The following PLEKHG4B variants were observed in gnomAD, a reference collection of about 807,000 sequenced individuals.
PLEKHG4B encodes the protein pleckstrin homology and RhoGEF domain containing G4B, also known as pleckstrin homology domain-containing family G member 4B.
Under a neutral mutation model 121.3 loss-of-function variants are expected in PLEKHG4B, and 111 were observed. The ratio of observed to expected loss-of-function variants is 0.92; its 90% CI spans 0.78 to 1.07. The LOEUF (loss-of-function observed/expected upper bound fraction) is 1.07, where lower values mean the gene tolerates loss of function less well. Ranked by LOEUF, PLEKHG4B falls within the 50% of genes least tolerant of loss-of-function variation. The pLI, the probability that PLEKHG4B is intolerant of heterozygous loss-of-function variation, is 0.00. For synonymous variants in PLEKHG4B, 738 were observed against 725.0 expected (o/e 1.02, Z -0.29); for missense variants, 1,831 against 1,757.8 (o/e 1.04, Z -0.74).
At chr5:148,227 G>A (rs1209225565) in intron 6 of PLEKHG4B, among the ~76,000 whole-genome samples, 1 of 151,142 alleles carries the variant, frequency 6.6e-6, no homozygotes, top group Admixed American at 6.6e-5. Context: ...TAGAGCAATT[G>A]GACAAGAAAA....
At chr5:95,949 G>A (rs62344088) in intron 1 of PLEKHG4B, among the ~76,000 whole-genome samples, 10,590 of 152,264 alleles carry the variant, frequency 0.07, 665 homozygotes, top group African/African-American at 0.17. Context: ...GGTATAGTTT[G>A]GTGGAAACTT....
intron 2 of PLEKHG4B, among the ~76,000 whole-genome samples, chr5:121,786 G>C (rs1734477444): frequency 2.0e-5 from 3 of 151,886 alleles, no homozygotes; most frequent in Non-Finnish European, 2.9e-5. Context: ...AAACATGAAG[G>C]CAAAATAATG....
In PLEKHG4B at chr5:156,992, CTG is replaced by C; in HGVS notation, c.2487+85_2487+86del. ...CCAAGGCAACCCTCTCACCTTCACA[CTG>C]TGTCTTTAGGGCCTTGATCTGATTT... is the stretch of plus-strand genomic sequence containing the variant. On this transcript the variant is annotated intron_variant, in intron 11 of 19. Coordinates refer to ENST00000637938, the MANE Select transcript of PLEKHG4B (RefSeq NM_052909.5). The surrounding 1 kb of genome is among the most constrained non-coding windows in gnomAD (Gnocchi z 4.4). 1 of 1,541,260 alleles carries C rather than the reference CTG, an allele frequency of 6.5e-7. No individual in the cohort carries two copies. Among genetic ancestry groups the C allele is most frequent in the Non-Finnish European group, 8.8e-7 (1 of 1,131,260 alleles).
Position 137,926 on chromosome 5 carries a change from C to T in PLEKHG4B, c.244-1557C>T, listed in dbSNP as rs1437217307. Among the ~76,000 whole-genome samples, 1 of 152,240 alleles carries T rather than the reference C, an allele frequency of 6.6e-6. No individual in the cohort carries two copies. The highest frequency in any genetic ancestry group is 1.5e-5 in the Non-Finnish European group (1 of 68,040). On this transcript the variant is annotated intron_variant, in intron 2 of 19. Transcript: ENST00000637938. This position sits in a 1 kb window ranked among gnomAD's most constrained non-coding sequence, Gnocchi z 4.2. The stretch of plus-strand genomic sequence containing the variant: ...GCATCCAGCCCAGGACACAGCTCCT[C>T]AGGCCGCCTCGCAGCGTCTGGGGAG...
rs145237787 is a variant in PLEKHG4B, at chr5:144,405, G to A, written c.1812-422G>A. On this transcript the variant is annotated intron_variant, in intron 5 of 19. Coordinates refer to ENST00000637938, the MANE Select transcript of PLEKHG4B (RefSeq NM_052909.5). ...TGGATAAGTAAGGACCCTCCTGACT[G>A]ATCTCAAGCTTCCATCTTGGGAACA... 2.7e-3 allele frequency among the ~76,000 whole-genome samples: 417 copies of A among 152,328 alleles called. 4 individuals are homozygous for A. The highest frequency in any genetic ancestry group is 9.5e-3 in the African/African-American group (394 of 41,568).
intron 13 of PLEKHG4B, among the ~76,000 whole-genome samples, chr5:164,737 C>CA (rs1343690835): frequency 1.0e-5 from 1 of 96,970 alleles, no homozygotes; most frequent in Non-Finnish European, 2.1e-5. Context: ...AATACTCTGA[C>CA]GGGGCGGGGC....
intron 2 of PLEKHG4B, among the ~76,000 whole-genome samples, chr5:123,328 A>G (rs1422252537): frequency 2.0e-5 from 3 of 152,212 alleles, no homozygotes; most frequent in African/African-American, 7.2e-5. Flanking sequence ...AAAAGATTAC[A>G]ATGTCCATAA....
intron 2 of PLEKHG4B, among the ~76,000 whole-genome samples, chr5:125,127 A>T (rs1176621346): frequency 2.6e-5 from 4 of 151,690 alleles, no homozygotes; most frequent in Non-Finnish European, 5.9e-5. Flanking sequence ...AGTGAGACTT[A>T]AAAAAAAATC....
intron 2 of PLEKHG4B, among the ~76,000 whole-genome samples, chr5:138,025 G>C (rs1221104914): frequency 6.6e-6 from 1 of 152,186 alleles, no homozygotes; most frequent in Non-Finnish European, 1.5e-5. Flanking sequence ...CTGAAAACTG[G>C]GTGGGCCAAT....
Position 159,260 on chromosome 5 carries a change from G to A in PLEKHG4B, c.2487+2349G>A, listed in dbSNP as rs756391676. Among the ~76,000 whole-genome samples, 33 of 150,740 alleles carry A rather than the reference G, an allele frequency of 2.2e-4. No homozygotes were observed. Among genetic ancestry groups the A allele is most frequent in the South Asian group, 1.3e-3 (6 of 4,724 alleles). On this transcript the variant is annotated intron_variant, in intron 11 of 19. Transcript: ENST00000637938. The surrounding 1 kb of genome is among the most constrained non-coding windows in gnomAD (Gnocchi z 5.5). ...CTGAGGGCAGGTGTGCCTGAGGGTC[G>A]CCCAGGTGCACTGAGGGCAGGTGTG...
chr5:112,960 G>A (rs568796988), intron 1 of PLEKHG4B, among the ~76,000 whole-genome samples: 20 of 152,248 alleles, frequency 1.3e-4, no homozygotes, highest in African/African-American at 4.8e-4. Context: ...TTATAGGAAT[G>A]GCAGCCCACA....
At chr5:176,439 G>C (rs950145418) in intron 18 of PLEKHG4B, among the ~76,000 whole-genome samples, 1 of 152,244 alleles carries the variant, frequency 6.6e-6, no homozygotes, top group East Asian at 1.9e-4. Flanking sequence ...GAACTAAGTT[G>C]ATTCAAGCGC....
chr5:143,455 C>T lies in PLEKHG4B; in HGVS notation c.1763C>T (p.Ser588Phe). Reference protein sequence around the residue: ...RSLLWTREHSSCAELTRLLLY... With the variant: ...RSLLWTREHSFCAELTRLLLY... ...CTGCTCTGGACCAGGGAACACTCGTCCTGTGCTGAGCTGACCCGCCTGCTG... is the reference window on the plus strand; with the variant it reads ...CTGCTCTGGACCAGGGAACACTCGTTCTGTGCTGAGCTGACCCGCCTGCTG... The change falls in exon 5 of 20, where the codon TCC (serine) becomes TTC (phenylalanine). Residue 588 changes from serine to phenylalanine, a missense_variant. Transcript: ENST00000637938. 1 of 1,612,942 alleles carries T rather than the reference C, an allele frequency of 6.2e-7. No individual in the cohort carries two copies. Among genetic ancestry groups the T allele is most frequent in the African/African-American group, 1.3e-5 (1 of 75,058 alleles).
intron 2 of PLEKHG4B, among the ~76,000 whole-genome samples, chr5:131,742 T>C (rs1167228715): frequency 1.3e-5 from 2 of 151,890 alleles, no homozygotes; most frequent in Non-Finnish European, 1.5e-5. Context: ...AGTGTAAAAG[T>C]GTTCCTATTT....
In PLEKHG4B at chr5:156,968, C is replaced by G. The variant is rs776418402; in HGVS notation, c.2487+57C>G. ...AGCATCCCCTCCAGGCCAGGCTGGCCAAGGCAACCCTCTCACCTTCACACT... is the reference window on the plus strand; with the variant it reads ...AGCATCCCCTCCAGGCCAGGCTGGCGAAGGCAACCCTCTCACCTTCACACT... On this transcript the variant is annotated intron_variant, in intron 11 of 19. Transcript: ENST00000637938. This position sits in a 1 kb window ranked among gnomAD's most constrained non-coding sequence, Gnocchi z 4.4. The G allele has an allele frequency of 1.3e-6, 2 of 1,589,806 alleles. No individual in the cohort carries two copies. The highest frequency in any genetic ancestry group is 1.7e-5 in the Admixed American group (1 of 57,230).
intron 14 of PLEKHG4B, among the ~76,000 whole-genome samples, chr5:170,541 C>T (rs540571738): frequency 6.6e-6 from 1 of 152,306 alleles, no homozygotes; most frequent in African/African-American, 2.4e-5. Flanking sequence ...ACCTCCTGAT[C>T]CACCCGCTTC....
intron 3 of PLEKHG4B, 96 bp downstream of exon 3, chr5:140,812 C>A: frequency 2.1e-6 from 2 of 973,368 alleles, no homozygotes; most frequent in Admixed American, 3.6e-5. Flanking sequence ...TCCCTACAAA[C>A]CCCCACAACC....
At chr5:111,603 C>A (rs945972635) in intron 1 of PLEKHG4B, among the ~76,000 whole-genome samples, 1 of 152,146 alleles carries the variant, frequency 6.6e-6, no homozygotes, top group African/African-American at 2.4e-5. Flanking sequence ...ACGTCTCTTC[C>A]GGGGATGGCC....
intron 1 of PLEKHG4B, among the ~76,000 whole-genome samples, chr5:103,441 G>A (rs1733881784): frequency 2.0e-5 from 3 of 152,100 alleles, no homozygotes; most frequent in Admixed American, 6.5e-5. Context: ...AGAATGCACC[G>A]CACGCAGCGG....
Sources: allele counts gnomAD v4.1 joint callset (sites outside exome capture counted in the v4.1 genomes callset), GRCh38; gene constraint gnomAD v4.1.1; non-coding constraint Gnocchi (gnomAD v3.1); transcripts MANE v1.5; gene names NCBI Gene and HGNC (gene_info 2026-07-23, HGNC 2026-07-21).